GLIS3: variants seen among roughly 807,000 people sequenced by gnomAD.
GLIS3 encodes GLIS family zinc finger 3, also known as zinc finger protein GLIS3.
A neutral mutation model predicts 78.6 loss-of-function variants in GLIS3; 53 were observed. The observed-to-expected ratio is 0.67, with a 90% CI of 0.54 to 0.85. GLIS3 has a LOEUF of 0.85. GLIS3 is among the 40% of genes least tolerant of loss of function. GLIS3 has a pLI of 0.00. For missense variants in GLIS3, 1,703 were observed against 1,231.1 expected (o/e 1.38, Z -5.74); for synonymous variants, 684 against 509.9 (o/e 1.34, Z -4.60).
chr9:3,911,308 A>G (rs1220006731), intron 6 of GLIS3, among the ~76,000 whole-genome samples: 1 of 152,168 alleles, frequency 6.6e-6, no homozygotes, highest in East Asian at 1.9e-4. Context: ...CTTTTTCCAT[A>G]TGTTACGCTC....
chr9:4,248,008 G>C (rs1039089445), intron 2 of GLIS3, among the ~76,000 whole-genome samples: 3 of 152,054 alleles, frequency 2.0e-5, no homozygotes, highest in African/African-American at 7.2e-5. Context: ...CTGAAACTCT[G>C]TACCCTTGGA....
chr9:4,063,998 T>C (rs1826874146), intron 4 of GLIS3, among the ~76,000 whole-genome samples: 2 of 152,292 alleles, frequency 1.3e-5, no homozygotes, highest in Admixed American at 6.5e-5. Flanking sequence ...GTCAAATATA[T>C]TTCAAAGACT....
At chr9:4,023,115 G>A (rs1019363612) in intron 4 of GLIS3, among the ~76,000 whole-genome samples, 6 of 152,052 alleles carry the variant, frequency 3.9e-5, no homozygotes, top group Non-Finnish European at 5.9e-5. Context: ...AGGTTTGTAC[G>A]CATTTACATA....
At chr9:4,186,483 G>A (rs1334867202) in intron 2 of GLIS3, among the ~76,000 whole-genome samples, 1 of 151,878 alleles carries the variant, frequency 6.6e-6, no homozygotes, top group Admixed American at 6.6e-5. Context: ...CTTTATAGCA[G>A]CATGATTTAT....
intron 2 of GLIS3, among the ~76,000 whole-genome samples, chr9:4,211,055 G>A (rs922285303): frequency 2.0e-5 from 3 of 152,150 alleles, no homozygotes; most frequent in African/African-American, 4.8e-5. Flanking sequence ...GATTTCCTAC[G>A]GATTAAACAG....
At chr9:4,243,753 A>T (rs1294171084) in intron 2 of GLIS3, among the ~76,000 whole-genome samples, 1 of 152,124 alleles carries the variant, frequency 6.6e-6, no homozygotes, top group African/African-American at 2.4e-5. Context: ...CCTGGAATGG[A>T]TTAGGTGTAA....
chr9:4,251,951 G>C (rs1054309749), intron 2 of GLIS3, among the ~76,000 whole-genome samples: 1 of 152,180 alleles, frequency 6.6e-6, no homozygotes, highest in Non-Finnish European at 1.5e-5. Context: ...CTTCTGGCTT[G>C]TAGGGTTTGT....
intron 7 of GLIS3, among the ~76,000 whole-genome samples, chr9:3,896,258 G>C (rs1352295326): frequency 6.6e-6 from 1 of 152,040 alleles, no homozygotes; most frequent in Non-Finnish European, 1.5e-5. Context: ...TTTTTCCCCT[G>C]CCTGGTTCTG....
At chr9:3,966,591 T>G (rs1024631414) in intron 4 of GLIS3, among the ~76,000 whole-genome samples, 2 of 151,082 alleles carry the variant, frequency 1.3e-5, no homozygotes, top group Admixed American at 6.6e-5. Flanking sequence ...AGGTCAGGAG[T>G]CAAGACCAGC....
chr9:4,022,291 T>A (rs1822955991), intron 4 of GLIS3, among the ~76,000 whole-genome samples: 2 of 152,228 alleles, frequency 1.3e-5, no homozygotes, highest in South Asian at 4.1e-4. Context: ...CTGCGCTTGG[T>A]TTGATACCTT....
chr9:3,880,735 G>A (rs1821675108), intron 7 of GLIS3, among the ~76,000 whole-genome samples: 1 of 152,162 alleles, frequency 6.6e-6, no homozygotes, highest in African/African-American at 2.4e-5. Flanking sequence ...AAGTACCCCA[G>A]ATGACCTAGC....
intron 2 of GLIS3, among the ~76,000 whole-genome samples, chr9:4,238,409 G>A (rs570163421): frequency 5.8e-4 from 89 of 152,248 alleles, no homozygotes; most frequent in Non-Finnish European, 1.0e-3. Flanking sequence ...CTACCCACAT[G>A]AGAGAAGATG....
upstream of GLIS3, among the ~76,000 whole-genome samples, chr9:4,351,426 G>A (rs943842516): frequency 6.7e-6 from 1 of 148,400 alleles, no homozygotes; most frequent in Non-Finnish European, 1.5e-5. Flanking sequence ...GGAGGGTGAG[G>A]AGAAATCTTT....
At chr9:4,466,922 C>G in the GLIS3 span, among the ~76,000 whole-genome samples, 2 of 152,318 alleles carry the variant, frequency 1.3e-5, no homozygotes, top group East Asian at 1.9e-4. Flanking sequence ...AAAATTGGAA[C>G]ACTCCCATCC....
intron 2 of GLIS3, among the ~76,000 whole-genome samples, chr9:4,166,087 A>C (rs1000517094): frequency 6.6e-6 from 1 of 152,218 alleles, no homozygotes; most frequent in Non-Finnish European, 1.5e-5. Context: ...CAAAGCATGG[A>C]ACTTCTCTGC....
chr9:4,250,806 G>A (rs568183405), intron 2 of GLIS3, among the ~76,000 whole-genome samples: 15 of 152,216 alleles, frequency 9.9e-5, no homozygotes, highest in East Asian at 7.7e-4. Context: ...ATTCTGGTAC[G>A]TTGTGTCTTT....
intron 6 of GLIS3, among the ~76,000 whole-genome samples, chr9:3,902,391 G>T (rs756139907): frequency 3.3e-5 from 5 of 152,180 alleles, no homozygotes; most frequent in Non-Finnish European, 7.4e-5. Flanking sequence ...TAAAGGGTGA[G>T]GCAGGAGGCA....
intron 2 of GLIS3, among the ~76,000 whole-genome samples, chr9:4,253,898 C>T (rs764746219): frequency 7.2e-5 from 11 of 152,124 alleles, no homozygotes; most frequent in Non-Finnish European, 1.3e-4. Context: ...GGTAAGGTGA[C>T]GCCCCACCCT....
intron 2 of GLIS3, among the ~76,000 whole-genome samples, chr9:4,281,850 T>G (rs1293540667): frequency 6.6e-6 from 1 of 152,212 alleles, no homozygotes; most frequent in Non-Finnish European, 1.5e-5. Flanking sequence ...GTTTGCCTGG[T>G]GTCCAAAGGA....
Sources: allele counts gnomAD v4.1 joint callset (sites outside exome capture counted in the v4.1 genomes callset), GRCh38; gene constraint gnomAD v4.1.1; transcripts MANE v1.5; gene names NCBI Gene and HGNC (gene_info 2026-07-23, HGNC 2026-07-21).